The following CKAP5 variants were observed in gnomAD, a reference collection of about 807,000 sequenced individuals.
CKAP5 encodes the protein cytoskeleton associated protein 5.
Under a neutral mutation model 232.8 loss-of-function variants are expected in CKAP5, and 27 were observed. The observed-to-expected ratio is 0.12, with a 90% CI of 0.09 to 0.16. The LOEUF is 0.16. CKAP5 is among the 10% of genes least tolerant of loss of function. The pLI is 1.00. For synonymous variants in CKAP5, 785 were observed against 841.1 expected (o/e 0.93, Z 1.16); for missense variants, 1,838 against 2,424.7 (o/e 0.76, Z 5.08).
intron 33 of CKAP5, chr11:46,760,296 A>G (rs2065143533): frequency 2.2e-6 from 1 of 452,090 alleles, no homozygotes; most frequent in Admixed American, 3.0e-5. Flanking sequence ...AATCCAAGTC[A>G]GAAGTTAGAA....
intron 35 of CKAP5, among the ~76,000 whole-genome samples, chr11:46,757,682 G>A (rs796634434): frequency 1.3e-4 from 20 of 151,882 alleles, no homozygotes; most frequent in African/African-American, 4.6e-4. Context: ...CTGCCTCCTG[G>A]GTTAAAGTGA....
chr11:46,744,279 G>C lies in CKAP5; in HGVS notation c.5857-14C>G. The C allele has an allele frequency of 6.2e-7, 1 of 1,613,968 alleles. No homozygotes were observed. The highest frequency in any genetic ancestry group is 8.5e-7 in the Non-Finnish European group (1 of 1,179,920). The stretch of plus-strand genomic sequence containing the variant: ...TCGGTCATCTTGCTATTGAGAGAAG[G>C]AGAGAGATTGTCTAAGGTCAGGTCA... On this transcript the variant is annotated splice_polypyrimidine_tract_variant and intron_variant, in intron 43 of 43. Coordinates refer to ENST00000529230, the MANE Select transcript of CKAP5 (RefSeq NM_001008938.4).
chr11:46,841,376 T>C (rs1940048429), intron 1 of CKAP5, among the ~76,000 whole-genome samples: 1 of 152,096 alleles, frequency 6.6e-6, no homozygotes, highest in Non-Finnish European at 1.5e-5. Context: ...ATCTCACACA[T>C]CTGAGGTCAC....
intron 24 of CKAP5, among the ~76,000 whole-genome samples, chr11:46,771,745 C>A (rs1385495194): frequency 6.6e-6 from 1 of 152,140 alleles, no homozygotes; most frequent in Non-Finnish European, 1.5e-5. Flanking sequence ...AATATTTGTA[C>A]ATAGATTTTT....
At chr11:46,827,395 T>C (rs1939680613) in intron 1 of CKAP5, among the ~76,000 whole-genome samples, 1 of 152,044 alleles carries the variant, frequency 6.6e-6, no homozygotes. Flanking sequence ...TGATACAAGA[T>C]GGGCAGGAAG....
In CKAP5 at chr11:46,801,212, T is replaced by C; in HGVS notation, c.1071A>G (p.Gln357=). 5 of 1,612,534 alleles carry C rather than the reference T, an allele frequency of 3.1e-6. No individual in the cohort carries two copies. Among genetic ancestry groups the C allele is most frequent in the Non-Finnish European group, 4.2e-6 (5 of 1,178,616 alleles). The change falls in exon 9 of 44, where the codon CAA becomes CAG. Residue 357 remains glutamine, a synonymous_variant. Coordinates refer to ENST00000529230, the MANE Select transcript of CKAP5 (RefSeq NM_001008938.4). The part of the protein sequence containing the change: ...LAVGLRKKFG[Q]YAGHVVPTIL... ...GAGTGTTACTTACATGTCCTGCATA[T>C]TGTCCAAATTTCTTCCTTAGCCCAA...
At chr11:46,768,907 C>T (rs1321488819) in intron 26 of CKAP5, among the ~76,000 whole-genome samples, 1 of 151,734 alleles carries the variant, frequency 6.6e-6, no homozygotes, top group Non-Finnish European at 1.5e-5. Context: ...TATATATTAT[C>T]AAATTTTATT....
chr11:46,764,530 C>A (rs1215516883), intron 28 of CKAP5, among the ~76,000 whole-genome samples: 2 of 152,050 alleles, frequency 1.3e-5, no homozygotes, highest in African/African-American at 4.8e-5. Context: ...AACAGTACGG[C>A]ATGTCTGTAT....
chr11:46,763,196 A>G lies in CKAP5; in HGVS notation c.3688-17T>C. ...CTCCAAGTGCTTAAAATAAAACAAA[A>G]CAAAACTCCCACAAATAAGAATAAT... On this transcript the variant is annotated splice_polypyrimidine_tract_variant and intron_variant, in intron 29 of 43. Transcript: ENST00000529230. The G allele has an allele frequency of 6.5e-7, 1 of 1,538,522 alleles. No homozygotes were observed. The highest frequency in any genetic ancestry group is 8.9e-7 in the Non-Finnish European group (1 of 1,125,190).
intron 16 of CKAP5, among the ~76,000 whole-genome samples, chr11:46,784,983 C>T (rs1327104103): frequency 2.0e-5 from 3 of 152,100 alleles, no homozygotes; most frequent in African/African-American, 7.2e-5. Flanking sequence ...TGATTATTTG[C>T]ATTTAGTACT....
At chr11:46,787,194 C>G (rs2065402828) in intron 16 of CKAP5, among the ~76,000 whole-genome samples, 1 of 152,070 alleles carries the variant, frequency 6.6e-6, no homozygotes, top group Non-Finnish European at 1.5e-5. Context: ...AAGAGGGCAC[C>G]TCAAGAATCT....
At chr11:46,838,319 T>C (rs1405316939) in intron 1 of CKAP5, among the ~76,000 whole-genome samples, 1 of 152,164 alleles carries the variant, frequency 6.6e-6, no homozygotes, top group East Asian at 1.9e-4. Flanking sequence ...TAATTGAGAC[T>C]GTTAAGATAC....
intron 1 of CKAP5, among the ~76,000 whole-genome samples, chr11:46,826,266 A>G (rs1351451097): frequency 1.3e-5 from 2 of 152,152 alleles, no homozygotes; most frequent in Non-Finnish European, 2.9e-5. Context: ...CAAAAGGGGT[A>G]CGGGATACCA....
intron 4 of CKAP5, among the ~76,000 whole-genome samples, chr11:46,815,199 C>T (rs552012408): frequency 3.9e-5 from 6 of 152,074 alleles, no homozygotes; most frequent in African/African-American, 1.2e-4. Context: ...TACAGGCATG[C>T]GCCACCATGC....
At chr11:46,842,622 CAG>C (rs1014755511) in intron 1 of CKAP5, among the ~76,000 whole-genome samples, 2 of 152,120 alleles carry the variant, frequency 1.3e-5, no homozygotes, top group African/African-American at 4.8e-5. Context: ...AATGGTGAGA[CAG>C]AGGGCAAATG....
In CKAP5 at chr11:46,751,057, T is replaced by C. The variant is rs2065060847; in HGVS notation, c.5460+61A>G. On this transcript the variant is annotated intron_variant, in intron 40 of 43. Transcript: ENST00000529230. ...AAGCATATCCTGGTGACCTACACCT[T>C]AGATAAGATCACTTCCGGTGTAGCC... 2.5e-6 allele frequency: 4 copies of C among 1,596,492 alleles called. No individual in the cohort carries two copies. The Admixed American group carries it at 6.7e-5, about 27-fold the overall frequency.
In CKAP5 at chr11:46,765,301, C is replaced by A. The variant is rs765943543; in HGVS notation, c.3412-45G>T. On this transcript the variant is annotated intron_variant, in intron 27 of 43. Coordinates refer to ENST00000529230, the MANE Select transcript of CKAP5 (RefSeq NM_001008938.4). ...AATACTGATTAGCTTGGCCACTTCT[C>A]CTTAAGAATATGATGCTGCTGCCCA... The A allele has an allele frequency of 2.0e-6, 3 of 1,533,672 alleles. No individual in the cohort carries two copies. The South Asian group carries it at 3.9e-5, about 20-fold the overall frequency.
chr11:46,769,700 A>G (rs1275824818), intron 26 of CKAP5, among the ~76,000 whole-genome samples: 1 of 152,076 alleles, frequency 6.6e-6, no homozygotes, highest in East Asian at 1.9e-4. Flanking sequence ...CATCTCTAAA[A>G]AAAAAAACAA....
chr11:46,762,831 CTA>C, intron 30 of CKAP5, 69 bp from the exon 31 acceptor site: 2 of 1,537,864 alleles, frequency 1.3e-6, no homozygotes, highest in Non-Finnish European at 1.8e-6. Flanking sequence ...CCATGCATTA[CTA>C]TGTTTTGAAA....
Sources: gnomAD v4.1 joint callset for allele counts (sites outside exome capture counted in the v4.1 genomes callset) on GRCh38, gnomAD v4.1.1 for gene constraint, MANE v1.5 for transcripts, NCBI Gene and HGNC (gene_info 2026-07-23, HGNC 2026-07-21) for gene names.